Variants in MEGF11 observed in about 807,000 individuals in gnomAD.
The protein encoded by MEGF11 is multiple EGF like domains 11.
MEGF11 carries 126 observed loss-of-function variants against 146.6 expected under a neutral mutation model. The ratio of observed to expected loss-of-function variants is 0.86; its 90% CI spans 0.74 to 1.00. MEGF11 has a LOEUF of 1.00. Among genes scored for constraint, MEGF11 ranks in the 50% least tolerant of loss-of-function variants. The pLI is 0.00. For synonymous variants in MEGF11, 532 were observed against 583.4 expected (o/e 0.91, Z 1.27); for missense variants, 1,509 against 1,521.2 (o/e 0.99, Z 0.13).
chr15:65,946,565 G>A (rs1330385966), intron 10 of MEGF11, among the ~76,000 whole-genome samples: 1 of 152,118 alleles, frequency 6.6e-6, no homozygotes, highest in Non-Finnish European at 1.5e-5. Flanking sequence ...GCTAATTTTT[G>A]TATTTTTAAT....
intron 5 of MEGF11, among the ~76,000 whole-genome samples, chr15:66,008,407 GCGCGCACACACACACACA>G (rs2082589502): frequency 2.4e-5 from 2 of 82,310 alleles, no homozygotes; most frequent in Admixed American, 1.2e-4. Context: ...GCACACGCGC[GCGCGCACACACACACACA>G]CACACACACA....
intron 10 of MEGF11, 105 bp downstream of exon 10, chr15:65,957,442 A>T: frequency 8.9e-7 from 1 of 1,121,158 alleles, no homozygotes; most frequent in Non-Finnish European, 1.3e-6. Flanking sequence ...AGGCGGACAC[A>T]AGGAGGCAGC....
chr15:66,107,059 C>CA (rs762104709), intron 4 of MEGF11, among the ~76,000 whole-genome samples: 4 of 141,134 alleles, frequency 2.8e-5, no homozygotes, highest in Non-Finnish European at 4.7e-5. Flanking sequence ...TTCCTACCCC[C>CA]CCACCAGGTA....
chr15:66,058,223 C>CCTGTT (rs2084759784), intron 5 of MEGF11, among the ~76,000 whole-genome samples: 1 of 152,064 alleles, frequency 6.6e-6, no homozygotes, highest in South Asian at 2.1e-4. Context: ...ACCTCTCAGC[C>CCTGTT]ATATAACAGG....
At chr15:65,939,051 C>T (rs920995274) in intron 10 of MEGF11, among the ~76,000 whole-genome samples, 1 of 152,184 alleles carries the variant, frequency 6.6e-6, no homozygotes, top group African/African-American at 2.4e-5. Context: ...TTGACCCTCC[C>T]TCACACAAAA....
intron 1 of MEGF11, among the ~76,000 whole-genome samples, chr15:66,252,754 G>A (rs2092393974): frequency 6.6e-6 from 1 of 152,214 alleles, no homozygotes; most frequent in African/African-American, 2.4e-5. Flanking sequence ...CAGGAGGAAG[G>A]CGGCTGCGCT....
chr15:65,914,039 G>A (rs2078909828), intron 19 of MEGF11, 66 bp from the exon 20 acceptor site: 1 of 1,280,300 alleles, frequency 7.8e-7, no homozygotes, highest in Admixed American at 1.8e-5. Context: ...CCTGGGCCTG[G>A]GTTCAGATGC....
chr15:66,057,970 A>G (rs1424400227), intron 5 of MEGF11, among the ~76,000 whole-genome samples: 1 of 152,228 alleles, frequency 6.6e-6, no homozygotes, highest in African/African-American at 2.4e-5. Context: ...GGAGTTAACT[A>G]TTAATTGCCA....
chr15:65,970,976 C>T, intron 7 of MEGF11: 2 of 443,296 alleles, frequency 4.5e-6, no homozygotes, highest in Non-Finnish European at 8.3e-6. Flanking sequence ...CCTAGTCTAC[C>T]ACAGAAAGAG....
chr15:65,931,522 G>C (rs887804592), intron 10 of MEGF11, among the ~76,000 whole-genome samples: 1 of 152,198 alleles, frequency 6.6e-6, no homozygotes, highest in Non-Finnish European at 1.5e-5. Context: ...TAATAAATTT[G>C]TGCTGTTTGA....
chr15:66,208,088 A>C (rs76132220), intron 1 of MEGF11, among the ~76,000 whole-genome samples: 3 of 146,786 alleles, frequency 2.0e-5, no homozygotes, highest in African/African-American at 5.1e-5. Context: ...GTGCCTCAGA[A>C]AAAAAAAAAA....
chr15:66,026,416 G>T (rs1299127363), intron 5 of MEGF11, among the ~76,000 whole-genome samples: 1 of 152,218 alleles, frequency 6.6e-6, no homozygotes, highest in Non-Finnish European at 1.5e-5. Flanking sequence ...GGAAACGCTT[G>T]TGGAATGGAT....
intron 1 of MEGF11, among the ~76,000 whole-genome samples, chr15:66,227,609 C>A (rs1303976646): frequency 6.6e-6 from 1 of 152,154 alleles, no homozygotes; most frequent in African/African-American, 2.4e-5. Context: ...GGGCAGGACC[C>A]CCATTGAGCT....
rs376471839 is a variant in MEGF11, at chr15:65,965,148, C to T, written c.900-28G>A. 1.5e-3 allele frequency: 2,297 copies of T among 1,533,876 alleles called. 6 individuals are homozygous for T. The highest frequency in any genetic ancestry group is 4.4e-3 in the South Asian group (363 of 81,938). On this transcript the variant is annotated intron_variant, in intron 8 of 25. Transcript: ENST00000395614. ...GTGGGAGAGCAGAGTGGGGCTGAGG[C>T]TGTGGGCCAGGATCCCTCACCTGTG...
At chr15:66,051,363 T>G (rs1453845580) in intron 5 of MEGF11, among the ~76,000 whole-genome samples, 1 of 151,986 alleles carries the variant, frequency 6.6e-6, no homozygotes, top group Non-Finnish European at 1.5e-5. Flanking sequence ...CTAAAGAGGC[T>G]GGGATGGGAA....
chr15:65,913,677 A>G (rs968601297), intron 20 of MEGF11, 60 bp downstream of exon 20: 37 of 1,456,574 alleles, frequency 2.5e-5, no homozygotes, highest in Non-Finnish European at 3.4e-5. Context: ...AGGCACAACC[A>G]TTCCTGGGGT....
rs75271095 is a variant in MEGF11 at position 66,141,809 on chromosome 15, C to A, written c.-8-13398G>T. Among the ~76,000 whole-genome samples the A allele has an allele frequency of 2.8e-4, 43 of 152,294 alleles. No individual in the cohort carries two copies. The East Asian group carries it at 8.3e-3, about 29-fold the overall frequency. On this transcript the variant is annotated intron_variant, in intron 1 of 25. Transcript: ENST00000395614. ...CACAATATCCTGTGTGTATTTCCCT[C>A]CTGTCATCCCTTGGCCTAACATCAT...
chr15:66,167,014 C>T (rs1298750875), intron 1 of MEGF11, among the ~76,000 whole-genome samples: 1 of 152,096 alleles, frequency 6.6e-6, no homozygotes, highest in Non-Finnish European at 1.5e-5. Context: ...TGGTCATGGC[C>T]CTTGAGGTCA....
chr15:66,123,842 C>T (rs1465579079), intron 3 of MEGF11, 57 bp downstream of exon 3: 2 of 1,445,146 alleles, frequency 1.4e-6, no homozygotes, highest in East Asian at 4.5e-5. Flanking sequence ...TGCACAGAGG[C>T]AAGCCCTGAG....
Sources: gnomAD v4.1 joint callset for allele counts (sites outside exome capture counted in the v4.1 genomes callset) on GRCh38, gnomAD v4.1.1 for gene constraint, MANE v1.5 for transcripts, NCBI Gene and HGNC (gene_info 2026-07-23, HGNC 2026-07-21) for gene names.